DCUN1D2: variants seen among roughly 807,000 people sequenced by gnomAD.
DCUN1D2 encodes DCN1-like protein 2.
Under a neutral mutation model 30.9 loss-of-function variants are expected in DCUN1D2, and 29 were observed. The observed-to-expected ratio is 0.94, with a 90% confidence interval of 0.70 to 1.28. DCUN1D2 has a LOEUF of 1.28. Among genes scored for constraint, DCUN1D2 ranks in the 50% most tolerant of loss-of-function variants. The probability of loss-of-function intolerance (pLI) is 0.00; values close to 1 mark genes in which losing one functional copy is unlikely to be tolerated. For synonymous variants in DCUN1D2, 121 were observed against 115.3 expected (o/e 1.05, Z -0.32); for missense variants, 325 against 316.9 (o/e 1.03, Z -0.19).
intron 1 of DCUN1D2, among the ~76,000 whole-genome samples, chr13:113,487,438 G>C (rs180835423): frequency 6.6e-6 from 1 of 152,326 alleles, no homozygotes; most frequent in Non-Finnish European, 1.5e-5. Context: ...TTGACACTGA[G>C]TAAAAGAAAC....
intron 3 of DCUN1D2, among the ~76,000 whole-genome samples, chr13:113,477,065 A>G (rs926960626): frequency 6.6e-6 from 1 of 152,184 alleles, no homozygotes; most frequent in South Asian, 2.1e-4. Context: ...TAAAAGTTCC[A>G]ATTATCTGGT....
intron 4 of DCUN1D2, among the ~76,000 whole-genome samples, chr13:113,468,502 G>A (rs1021081682): frequency 2.0e-5 from 3 of 152,184 alleles, no homozygotes; most frequent in African/African-American, 4.8e-5. Flanking sequence ...CTATTGAACC[G>A]TACACTTAAA....
At chr13:113,477,131 G>GT (rs368909402) in intron 3 of DCUN1D2, among the ~76,000 whole-genome samples, 43 of 152,190 alleles carry the variant, frequency 2.8e-4, no homozygotes, top group African/African-American at 1.0e-3. Flanking sequence ...TTGACTGCGC[G>GT]TTTTCATAGA....
At position 113,458,024 on chromosome 13, in the gene DCUN1D2, G is replaced by A. The variant is rs2044253547; in HGVS notation, c.*5C>T. On this transcript the variant is annotated 3_prime_UTR_variant, in exon 7 of 7. Transcript: ENST00000478244. ...TCATAATCTTACTCCTGCTTAACTT[G>A]CTGCCTAGAAAAGGCTGCGTTTTCC... 6.2e-7 allele frequency: 1 copy of A among 1,612,378 alleles called. No homozygotes were observed. Among genetic ancestry groups the A allele is most frequent in the Non-Finnish European group, 8.5e-7 (1 of 1,178,562 alleles).
chr13:113,489,914 G>T (rs185244986), intron 1 of DCUN1D2, among the ~76,000 whole-genome samples: 1 of 152,024 alleles, frequency 6.6e-6, no homozygotes, highest in African/African-American at 2.4e-5. Flanking sequence ...TGCATCTGGT[G>T]CCTGTCTCCC....
chr13:113,461,563 A>T (rs2044318573), intron 4 of DCUN1D2, among the ~76,000 whole-genome samples: 1 of 152,270 alleles, frequency 6.6e-6, no homozygotes, highest in Non-Finnish European at 1.5e-5. Flanking sequence ...TTCTCCAAAT[A>T]GACCTGCCTT....
At chr13:113,482,105 C>T (rs1445869709) in intron 2 of DCUN1D2, among the ~76,000 whole-genome samples, 1 of 152,184 alleles carries the variant, frequency 6.6e-6, no homozygotes, top group African/African-American at 2.4e-5. Context: ...AATTTCATTA[C>T]AACCGTGTTC....
At chr13:113,471,985 T>TA (rs748737064) in intron 4 of DCUN1D2, among the ~76,000 whole-genome samples, 1 of 152,096 alleles carries the variant, frequency 6.6e-6, no homozygotes, top group Non-Finnish European at 1.5e-5. Flanking sequence ...AAAACAAAGG[T>TA]AAGGCCCAAC....
chr13:113,461,300 C>A (rs935264058), intron 4 of DCUN1D2, among the ~76,000 whole-genome samples, 164 bp from the exon 5 acceptor site: 1 of 152,154 alleles, frequency 6.6e-6, no homozygotes, highest in Non-Finnish European at 1.5e-5. Context: ...GAGAACTGTA[C>A]GTAGTCTAAT....
intron 4 of DCUN1D2, among the ~76,000 whole-genome samples, chr13:113,471,551 A>G (rs113504563): frequency 1.9e-4 from 29 of 152,358 alleles, no homozygotes; most frequent in African/African-American, 6.0e-4. Context: ...TCAGCAGCAT[A>G]TATGAGAACA....
chr13:113,484,005 T>C lies in DCUN1D2; in HGVS notation c.55A>G (p.Thr19Ala). ...KDKVRQFMACTQAGERTAIYC... is the reference protein window; with the variant it reads ...KDKVRQFMACAQAGERTAIYC... Reference sequence around the variant, plus strand: ...ATAGCAGTTCTCTCGCCAGCCTGAGTGCACGCCATAAACTGGCGGACCTTG... The same window carrying C: ...ATAGCAGTTCTCTCGCCAGCCTGAGCGCACGCCATAAACTGGCGGACCTTG... Residue 19 changes from threonine (T) to alanine (A), a missense_variant, in exon 2 of 7, where the codon ACT (threonine) becomes GCT (alanine). Physicochemically the swap from Thr to Ala is moderately conservative, Grantham distance 58. Coordinates refer to ENST00000478244, the MANE Select transcript of DCUN1D2 (RefSeq NM_001014283.2). 1 of 1,614,210 alleles carries C rather than the reference T, an allele frequency of 6.2e-7. No homozygotes were observed. Among genetic ancestry groups the C allele is most frequent in the Non-Finnish European group, 8.5e-7 (1 of 1,180,046 alleles).
Position 113,490,444 on chromosome 13 carries a change from C to A in DCUN1D2, c.3+223G>T. 1 of 400,404 alleles carries A rather than the reference C, an allele frequency of 2.5e-6. No individual in the cohort carries two copies. Among genetic ancestry groups the A allele is most frequent in the Non-Finnish European group, 4.3e-6 (1 of 234,034 alleles). 24.8% of individuals were successfully genotyped at this position (400,404 alleles called of 1,614,324 possible). Reference sequence around the variant, plus strand: ...CGCCCTCCGCTCACTCCCGGTCGTCCCTCGCGGCTCCGGGTCAAACCCGCG... The same window carrying A: ...CGCCCTCCGCTCACTCCCGGTCGTCACTCGCGGCTCCGGGTCAAACCCGCG... On this transcript the variant is annotated intron_variant, in intron 1 of 6. Transcript: ENST00000478244. The surrounding 1 kb of genome is among the most constrained non-coding windows in gnomAD (Gnocchi z 5.2).
intron 4 of DCUN1D2, among the ~76,000 whole-genome samples, chr13:113,464,842 A>G (rs2044375831): frequency 6.6e-6 from 1 of 152,250 alleles, no homozygotes; most frequent in African/African-American, 2.4e-5. Context: ...TTTGCTGCGC[A>G]GTCATTACTA....
chr13:113,455,830 C>A lies in DCUN1D2; in HGVS notation c.*2199G>T, dbSNP rs9577553. 29,789 of 161,454 alleles carry A rather than the reference C, an allele frequency of 0.18. 3,288 individuals are homozygous for A. Among genetic ancestry groups the A allele is most frequent in the African/African-American group, 0.31 (13,013 of 41,850 alleles). 10.0% of individuals were successfully genotyped at this position (161,454 alleles called of 1,614,324 possible). A position where few individuals can be genotyped will look rare whatever the true frequency, so the allele number is the denominator to read the frequency against. ...GAAAGGAAACCACGCCCGAGAAAAA[C>A]CAATTTAATGCTTCTGTTCTCAGCA... is the stretch of plus-strand genomic sequence containing the variant. On this transcript the variant is annotated 3_prime_UTR_variant, in exon 7 of 7. Coordinates refer to ENST00000478244, the MANE Select transcript of DCUN1D2 (RefSeq NM_001014283.2).
Position 113,480,610 on chromosome 13 carries a change from G to C in DCUN1D2, c.354C>G (p.Ser118Arg). Residue 118 changes from serine (S) to arginine (R), a missense_variant, in exon 3 of 7, where the codon AGC becomes AGG. Ser to Arg is a moderately radical substitution (Grantham distance 110). Transcript: ENST00000478244. ...TCATGCCATCTAGAAATTCCTTTCTGCTAAATTCACACTGAGTTGCTGCCC... is the reference window on the plus strand; with the variant it reads ...TCATGCCATCTAGAAATTCCTTTCTCCTAAATTCACACTGAGTTGCTGCCC... ...KFRAATQCEF[S>R]RKEFLDGMTE... 1 of 1,614,068 alleles carries C rather than the reference G, an allele frequency of 6.2e-7. No homozygotes were observed. The highest frequency in any genetic ancestry group is 8.5e-7 in the Non-Finnish European group (1 of 1,179,996).
At chr13:113,462,739 C>G (rs1566493054) in intron 4 of DCUN1D2, 6 of 1,031,226 alleles carry the variant, frequency 5.8e-6, no homozygotes, top group Non-Finnish European at 7.0e-6. Flanking sequence ...CTAGACCTTA[C>G]CGATGGGACC....
At chr13:113,468,239 A>G (rs2044440356) in intron 4 of DCUN1D2, among the ~76,000 whole-genome samples, 1 of 152,122 alleles carries the variant, frequency 6.6e-6, no homozygotes, top group African/African-American at 2.4e-5. Context: ...TCTGACATAT[A>G]CTACAACAAA....
At chr13:113,480,187 A>G (rs1269333774) in intron 3 of DCUN1D2, among the ~76,000 whole-genome samples, 1 of 152,250 alleles carries the variant, frequency 6.6e-6, no homozygotes, top group Non-Finnish European at 1.5e-5. Flanking sequence ...TGTTACAAGC[A>G]AAAACCAAAA....
At chr13:113,490,877 C>CG (rs1185201549), upstream of DCUN1D2, 1 of 293,960 alleles carries the variant, frequency 3.4e-6, no homozygotes. This position sits in a 1 kb window ranked among gnomAD's most constrained non-coding sequence, Gnocchi z 5.2. Context: ...CAGCCCTCTG[C>CG]GAGGGCCTTG....
Sources: gnomAD v4.1 joint callset for allele counts (sites outside exome capture counted in the v4.1 genomes callset) on GRCh38, gnomAD v4.1.1 for gene constraint, Gnocchi (gnomAD v3.1) non-coding constraint, MANE v1.5 for transcripts, NCBI Gene and HGNC (gene_info 2026-07-23, HGNC 2026-07-21) for gene names.